The following RGS7 variants were observed in gnomAD, a reference collection of about 807,000 sequenced individuals.
The protein encoded by RGS7 is regulator of G protein signaling 7.
A neutral mutation model predicts 81.1 loss-of-function variants in RGS7; 27 were observed. That is an observed-to-expected ratio of 0.33 (90% CI 0.25 to 0.46). RGS7 has a LOEUF of 0.46. RGS7 is among the 20% of genes least tolerant of loss of function. The pLI, the probability that RGS7 is intolerant of heterozygous loss-of-function variation, is 1.00. For missense variants in RGS7, 396 were observed against 607.4 expected (o/e 0.65, Z 3.66); for synonymous variants, 208 against 207.7 (o/e 1.00, Z -0.01).
intron 2 of RGS7, among the ~76,000 whole-genome samples, chr1:241,226,646 A>C (rs1242141067): frequency 6.6e-6 from 1 of 152,226 alleles, no homozygotes; most frequent in African/African-American, 2.4e-5. Flanking sequence ...TGTTAGAAGA[A>C]GAAATAGTAC....
intron 2 of RGS7, among the ~76,000 whole-genome samples, chr1:241,204,394 T>C (rs567865567): frequency 6.6e-6 from 1 of 152,322 alleles, no homozygotes; most frequent in East Asian, 1.9e-4. Flanking sequence ...AGATAAGATG[T>C]GGTGTGCAAG....
intron 3 of RGS7, among the ~76,000 whole-genome samples, chr1:240,989,044 A>G (rs1212065002): frequency 6.6e-6 from 1 of 152,162 alleles, no homozygotes; most frequent in Non-Finnish European, 1.5e-5. Context: ...TGAGCCATAA[A>G]ATATCAAATT....
At chr1:240,794,553 T>C (rs567624349) in intron 18 of RGS7, among the ~76,000 whole-genome samples, 1 of 152,288 alleles carries the variant, frequency 6.6e-6, no homozygotes, top group East Asian at 1.9e-4. Flanking sequence ...CTTTCCAAAA[T>C]AGCCTATTTA....
At chr1:241,007,074 G>A (rs2058719572) in intron 3 of RGS7, among the ~76,000 whole-genome samples, 1 of 151,994 alleles carries the variant, frequency 6.6e-6, no homozygotes, top group Non-Finnish European at 1.5e-5. Flanking sequence ...ATGCCACCAT[G>A]CCCAGCTATT....
intron 2 of RGS7, among the ~76,000 whole-genome samples, chr1:241,113,169 G>A (rs1572743398): frequency 2.0e-5 from 3 of 152,152 alleles, no homozygotes; most frequent in Admixed American, 1.3e-4. Flanking sequence ...TTTTCCCCAC[G>A]AGTGCCAAGA....
At chr1:241,127,041 C>A (rs1418314974) in intron 2 of RGS7, among the ~76,000 whole-genome samples, 2 of 152,068 alleles carry the variant, frequency 1.3e-5, no homozygotes, top group African/African-American at 4.8e-5. Context: ...GCCTTAGCAT[C>A]TTATGGTCTA....
intron 2 of RGS7, among the ~76,000 whole-genome samples, chr1:241,234,000 T>C (rs1182450302): frequency 2.6e-5 from 4 of 152,210 alleles, no homozygotes; most frequent in Non-Finnish European, 5.9e-5. Context: ...TCGTGAGCAC[T>C]GAACTTTCGA....
chr1:240,859,524 T>C (rs1279667171), intron 9 of RGS7, among the ~76,000 whole-genome samples: 1 of 151,302 alleles, frequency 6.6e-6, no homozygotes, highest in Non-Finnish European at 1.5e-5. Flanking sequence ...TATTTCATTA[T>C]TATGCTTTTA....
chr1:241,122,685 A>G (rs1331428505), intron 2 of RGS7, among the ~76,000 whole-genome samples: 1 of 151,254 alleles, frequency 6.6e-6, no homozygotes, highest in Non-Finnish European at 1.5e-5. Flanking sequence ...AAAAAAAAAA[A>G]CACCTAACCT....
chr1:241,263,328 T>C (rs905370785), intron 2 of RGS7, among the ~76,000 whole-genome samples: 1 of 152,190 alleles, frequency 6.6e-6, no homozygotes, highest in East Asian at 1.9e-4. Flanking sequence ...TAGCTTATAA[T>C]GGGCACACTT....
At chr1:240,818,337 C>A (rs1691187607) in intron 10 of RGS7, among the ~76,000 whole-genome samples, 1 of 151,410 alleles carries the variant, frequency 6.6e-6, no homozygotes, top group Admixed American at 6.6e-5. Flanking sequence ...CTGGGACTCA[C>A]AATCCAGTGG....
intron 2 of RGS7, among the ~76,000 whole-genome samples, chr1:241,225,035 G>A (rs545192476): frequency 2.6e-5 from 4 of 152,206 alleles, no homozygotes; most frequent in South Asian, 4.2e-4. Context: ...GGATACAAGT[G>A]TAGTTCTGTT....
At chr1:240,862,040 T>A (rs1662299742) in intron 9 of RGS7, among the ~76,000 whole-genome samples, 1 of 152,184 alleles carries the variant, frequency 6.6e-6, no homozygotes, top group African/African-American at 2.4e-5. Context: ...ATCTTTGTCA[T>A]CCTACAATTT....
intron 2 of RGS7, among the ~76,000 whole-genome samples, chr1:241,341,352 ATAAT>A (rs1445792799): frequency 6.6e-6 from 1 of 152,228 alleles, no homozygotes; most frequent in African/African-American, 2.4e-5. Context: ...TAAAGTGAAA[ATAAT>A]TAATAACAAG....
At chr1:241,021,078 G>A (rs2059511807) in intron 3 of RGS7, among the ~76,000 whole-genome samples, 1 of 152,158 alleles carries the variant, frequency 6.6e-6, no homozygotes, top group Admixed American at 6.6e-5. Flanking sequence ...CAACATAGCT[G>A]TACTGCCTCA....
intron 2 of RGS7, among the ~76,000 whole-genome samples, chr1:241,259,667 A>AAATATATAT: frequency 2.0e-5 from 1 of 49,138 alleles, no homozygotes; most frequent in African/African-American, 7.9e-5. Flanking sequence ...AAAAAAAAAA[A>AAATATATAT]ATATATATAT....
chr1:240,816,445 G>A, intron 10 of RGS7, 30 bp from the exon 11 acceptor site: 2 of 1,392,150 alleles, frequency 1.4e-6, no homozygotes, highest in African/African-American at 1.4e-5. Flanking sequence ...AAACATTTTA[G>A]GACAAAATAC....
intron 3 of RGS7, among the ~76,000 whole-genome samples, chr1:241,037,809 T>C (rs958581781): frequency 3.3e-5 from 5 of 152,000 alleles, no homozygotes; most frequent in Non-Finnish European, 7.4e-5. Flanking sequence ...AAATAATGAC[T>C]TTTGCAGCAA....
chr1:241,136,113 C>T (rs1340364397), intron 2 of RGS7, among the ~76,000 whole-genome samples: 1 of 152,102 alleles, frequency 6.6e-6, no homozygotes, highest in Non-Finnish European at 1.5e-5. Flanking sequence ...ATCTATCGTC[C>T]ACCACATCCC....
Sources: gnomAD v4.1 joint callset for allele counts (sites outside exome capture counted in the v4.1 genomes callset) on GRCh38, gnomAD v4.1.1 for gene constraint, MANE v1.5 for transcripts, NCBI Gene and HGNC (gene_info 2026-07-23, HGNC 2026-07-21) for gene names.